SUGCT: variants seen among roughly 807,000 people sequenced by gnomAD.
The protein encoded by SUGCT is succinyl-CoA:glutarate-CoA transferase, also known as succinyl-CoA:glutarate CoA-transferase.
A neutral mutation model predicts 55.0 loss-of-function variants in SUGCT; 41 were observed. That is an observed-to-expected ratio of 0.74 (90% CI 0.58 to 0.97). The LOEUF is 0.97. Ranked by LOEUF, SUGCT falls within the 50% of genes least tolerant of loss-of-function variation. The pLI is 0.00. For missense variants in SUGCT, 568 were observed against 547.8 expected (o/e 1.04, Z -0.37); for synonymous variants, 187 against 200.4 (o/e 0.93, Z 0.56).
chr7:40,337,142 A>G (rs531415344), intron 9 of SUGCT, among the ~76,000 whole-genome samples: 12 of 152,186 alleles, frequency 7.9e-5, no homozygotes, highest in African/African-American at 2.4e-4. Context: ...GTTCTTTTAC[A>G]TTTGCTGAGG....
chr7:40,397,410 C>G (rs1388377010), intron 9 of SUGCT, among the ~76,000 whole-genome samples: 1 of 152,140 alleles, frequency 6.6e-6, no homozygotes, highest in African/African-American at 2.4e-5. Context: ...ATTTACCTCT[C>G]TTATGGCACT....
the SUGCT span, among the ~76,000 whole-genome samples, chr7:40,943,481 A>C: frequency 7.7e-5 from 10 of 129,388 alleles, no homozygotes; most frequent in Non-Finnish European, 1.1e-4. Context: ...CTTCCTGTGT[A>C]CATGTGTTCT....
At chr7:40,381,453 C>G (rs537171527) in intron 9 of SUGCT, among the ~76,000 whole-genome samples, 1 of 77,330 alleles carries the variant, frequency 1.3e-5, no homozygotes, top group South Asian at 7.1e-4. Flanking sequence ...ATTTTATGTT[C>G]TTTAAAACTC....
intron 11 of SUGCT, 50 bp downstream of exon 11, chr7:40,459,248 C>G: frequency 8.6e-7 from 1 of 1,161,006 alleles, no homozygotes; most frequent in Non-Finnish European, 1.3e-6. Context: ...ATGTGATAAG[C>G]ATTTATCTGG....
intron 8 of SUGCT, among the ~76,000 whole-genome samples, chr7:40,314,044 A>C (rs1179369309): frequency 6.6e-6 from 1 of 152,182 alleles, no homozygotes; most frequent in African/African-American, 2.4e-5. Context: ...AAACAGTTTG[A>C]GAGATGAATT....
At position 40,496,272 on chromosome 7, in the gene SUGCT, T is replaced by C; in HGVS notation, c.987-12T>C. ...TCCTGTGTAAAAAATTTATCCTTGT[T>C]TGTCTTCTTAGGTTTGAAGAAGAAC... On this transcript the variant is annotated splice_polypyrimidine_tract_variant and intron_variant, in intron 11 of 13. Coordinates refer to ENST00000335693, the MANE Select transcript of SUGCT (RefSeq NM_001193313.2). The C allele has an allele frequency of 6.3e-7, 1 of 1,594,062 alleles. No homozygotes were observed. The highest frequency in any genetic ancestry group is 1.3e-5 in the African/African-American group (1 of 74,652).
At chr7:40,176,530 C>A (rs1475276710) in intron 1 of SUGCT, among the ~76,000 whole-genome samples, 2 of 151,852 alleles carry the variant, frequency 1.3e-5, no homozygotes, top group African/African-American at 2.4e-5. Context: ...GAAGAGTAAC[C>A]CCTTATGCCT....
chr7:40,804,139 G>A (rs1344113042), intron 13 of SUGCT, among the ~76,000 whole-genome samples: 8 of 152,170 alleles, frequency 5.3e-5, no homozygotes, highest in Admixed American at 5.2e-4. Flanking sequence ...AAAAGTGTGT[G>A]TAAACTTCTT....
chr7:40,778,499 A>AT (rs1405644850), intron 13 of SUGCT, among the ~76,000 whole-genome samples: 10 of 152,140 alleles, frequency 6.6e-5, no homozygotes, highest in East Asian at 5.8e-4. Context: ...AGAAGCACTC[A>AT]TTTTTTCTGT....
chr7:40,523,062 C>T (rs568552746), intron 12 of SUGCT, among the ~76,000 whole-genome samples: 3 of 151,998 alleles, frequency 2.0e-5, no homozygotes, highest in Admixed American at 6.6e-5. Context: ...GGTAATTTTA[C>T]GATAGTGTCA....
At chr7:40,401,435 T>G (rs1043758473) in intron 9 of SUGCT, among the ~76,000 whole-genome samples, 2 of 152,176 alleles carry the variant, frequency 1.3e-5, no homozygotes, top group Non-Finnish European at 2.9e-5. Flanking sequence ...CTCTGTGGAC[T>G]GGACAAGGAA....
the SUGCT span, among the ~76,000 whole-genome samples, chr7:40,941,090 G>C: frequency 0.014 from 2,100 of 151,918 alleles, 40 homozygotes; most frequent in African/African-American, 0.046. Flanking sequence ...AAGGGATGCT[G>C]GATCTTATTG....
chr7:40,436,025 C>A (rs1788160169), intron 9 of SUGCT, among the ~76,000 whole-genome samples: 1 of 150,466 alleles, frequency 6.6e-6, no homozygotes. Flanking sequence ...CTCACTGGAA[C>A]CTCTGCCTCC....
chr7:41,012,974 T>G, the SUGCT span, among the ~76,000 whole-genome samples: 4 of 151,512 alleles, frequency 2.6e-5, no homozygotes, highest in African/African-American at 7.3e-5. Flanking sequence ...CAGCACCATC[T>G]GCAAGTCACC....
intron 12 of SUGCT, among the ~76,000 whole-genome samples, chr7:40,553,327 G>T (rs900028752): frequency 2.0e-5 from 3 of 152,030 alleles, no homozygotes; most frequent in African/African-American, 7.2e-5. Context: ...TAGTGCAAAG[G>T]GTCTTTAGTT....
At chr7:41,010,943 A>G in the SUGCT span, among the ~76,000 whole-genome samples, 1 of 152,226 alleles carries the variant, frequency 6.6e-6, no homozygotes, top group Non-Finnish European at 1.5e-5. Context: ...CCCACAGCTG[A>G]TGTTTGAAAA....
chr7:40,446,133 A>G (rs1203423309), intron 9 of SUGCT, among the ~76,000 whole-genome samples: 2 of 152,110 alleles, frequency 1.3e-5, no homozygotes, highest in Non-Finnish European at 2.9e-5. Context: ...AAAATTTTAA[A>G]CTTTTATATT....
chr7:40,962,632 G>T, the SUGCT span, among the ~76,000 whole-genome samples: 8,523 of 149,036 alleles, frequency 0.057, 257 homozygotes, highest in Middle Eastern at 0.078. Context: ...GGAGAGTTTT[G>T]CTCAAGACAG....
chr7:40,248,211 A>G (rs1790043753), intron 7 of SUGCT, among the ~76,000 whole-genome samples: 1 of 151,968 alleles, frequency 6.6e-6, no homozygotes, highest in Admixed American at 6.6e-5. Flanking sequence ...GGGTTTCTCC[A>G]TGTTGGTCAG....
Sources: allele counts gnomAD v4.1 joint callset (sites outside exome capture counted in the v4.1 genomes callset), GRCh38; gene constraint gnomAD v4.1.1; transcripts MANE v1.5; gene names NCBI Gene and HGNC (gene_info 2026-07-23, HGNC 2026-07-21).